GPATCH3: variants seen among roughly 807,000 people sequenced by gnomAD.
GPATCH3 encodes G-patch domain containing 3.
In GPATCH3, 45 loss-of-function variants were observed where a neutral mutation model predicts 53.2. That is an observed-to-expected ratio of 0.85 (90% CI 0.67 to 1.08). GPATCH3 has a LOEUF of 1.08. GPATCH3 is among the 50% of genes least tolerant of loss of function. The pLI is 0.00. For synonymous variants in GPATCH3, 280 were observed against 270.6 expected (o/e 1.03, Z -0.34); for missense variants, 680 against 687.2 (o/e 0.99, Z 0.12).
At chr1:26,899,461 C>T (rs752517333) in intron 1 of GPATCH3, among the ~76,000 whole-genome samples, 10 of 152,206 alleles carry the variant, frequency 6.6e-5, no homozygotes, top group Middle Eastern at 3.2e-3. Context: ...GGATTCTGAG[C>T]ACACACTATG....
At chr1:26,892,876 G>T in intron 4 of GPATCH3, 85 bp from the exon 5 acceptor site, 1 of 1,514,604 alleles carries the variant, frequency 6.6e-7, no homozygotes, top group South Asian at 1.2e-5. Context: ...TCGTAAGATT[G>T]ACTTATTCAT....
intron 1 of GPATCH3, among the ~76,000 whole-genome samples, chr1:26,899,108 C>G (rs1244653746): frequency 6.6e-6 from 1 of 152,212 alleles, no homozygotes; most frequent in Non-Finnish European, 1.5e-5. Context: ...AGATGGAAAG[C>G]CACATTTCAT....
intron 2 of GPATCH3, among the ~76,000 whole-genome samples, chr1:26,895,449 G>A (rs534978548): frequency 1.3e-5 from 2 of 151,030 alleles, no homozygotes; most frequent in East Asian, 2.0e-4. Context: ...CTTGAGCCCA[G>A]GGAGTTGGAG....
In GPATCH3 at chr1:26,896,710, A is replaced by AG. The variant is rs577313701; in HGVS notation, c.876+590_876+591insC. Among the ~76,000 whole-genome samples, 632 of 147,494 alleles carry AG rather than the reference A, an allele frequency of 4.3e-3. 4 individuals carry two copies. The highest frequency in any genetic ancestry group is 7.4e-3 in the Non-Finnish European group (499 of 67,080). On this transcript the variant is annotated intron_variant, in intron 2 of 6. Transcript: ENST00000361720. ...AGTGAGACTCTGTCTCAAAAAAAAAAAGAAAAAAATGAATAAAGAGGAACC... is the reference window on the plus strand; with the variant it reads ...AGTGAGACTCTGTCTCAAAAAAAAAAGAGAAAAAAATGAATAAAGAGGAACC...
Position 26,897,327 on chromosome 1 carries a change from C to A in GPATCH3, c.850G>T (p.Glu284Ter), listed in dbSNP as rs942171790. The A allele has an allele frequency of 5.1e-5, 82 of 1,614,038 alleles. No homozygotes were observed. Among genetic ancestry groups the A allele is most frequent in the Non-Finnish European group, 6.7e-5 (79 of 1,180,020 alleles). ...TCATCTGAGTGAGACTCTTCTTCCT[C>A]TTCCTTCCCCACTTCTTCCTCAGGC... ...GEPEEEVGKEEEEESHSDEDD... is the reference protein window; with the variant it reads ...GEPEEEVGKE Residue 284 changes from glutamate (E) to a stop codon, truncating the protein, a stop_gained, in exon 2 of 7, where the codon GAG becomes TAG. Transcript: ENST00000361720. LOFTEE classifies it high-confidence loss of function.
chr1:26,896,510 T>G, intron 2 of GPATCH3, among the ~76,000 whole-genome samples: 1 of 142,374 alleles, frequency 7.0e-6, no homozygotes. Flanking sequence ...GTTAACACGG[T>G]GAAACCCTGT....
At chr1:26,893,066 C>T (rs374861076) in intron 4 of GPATCH3, among the ~76,000 whole-genome samples, 7 of 152,252 alleles carry the variant, frequency 4.6e-5, no homozygotes, top group South Asian at 4.2e-4. Context: ...TTCCCCCACC[C>T]GGGTCATTTC....
At chr1:26,895,849 C>T (rs1349679138) in intron 2 of GPATCH3, among the ~76,000 whole-genome samples, 2 of 152,104 alleles carry the variant, frequency 1.3e-5, no homozygotes, top group African/African-American at 2.4e-5. Flanking sequence ...AGGCTGGTCT[C>T]GAACTCCTGA....
intron 1 of GPATCH3, among the ~76,000 whole-genome samples, chr1:26,898,926 A>G (rs957553277): frequency 1.3e-5 from 2 of 152,156 alleles, no homozygotes; most frequent in Non-Finnish European, 2.9e-5. Context: ...GTGCCTCCCA[A>G]AGTGCTGGGA....
chr1:26,892,479 GC>G lies in GPATCH3; in HGVS notation c.1292del (p.Cys431SerfsTer36), dbSNP rs2081932245. Reference protein sequence around the residue: ...QGWAEGQGLGCRCSGVPEALD... With the variant: ...QGWAEGQGLGXRCSGVPEALD... ...GGGCCTCAGGCACCCCTGAGCACCTGCAGCCCAGGCCCTGGCCCTCAGCCCA... is the reference window on the plus strand; with the variant it reads ...GGGCCTCAGGCACCCCTGAGCACCTGAGCCCAGGCCCTGGCCCTCAGCCCA... On this transcript the variant is annotated frameshift_variant, in exon 6 of 7. Transcript: ENST00000361720. LOFTEE classifies it high-confidence loss of function. 2 of 1,613,914 alleles carry G rather than the reference GC, an allele frequency of 1.2e-6. No individual in the cohort carries two copies. The highest frequency in any genetic ancestry group is 2.7e-5 in the African/African-American group (2 of 74,908).
At chr1:26,892,970 G>T in intron 4 of GPATCH3, 179 bp from the exon 5 acceptor site, 1 of 692,380 alleles carries the variant, frequency 1.4e-6, no homozygotes, top group Admixed American at 2.8e-5. Flanking sequence ...ATACAGATGA[G>T]AAGATTGTGG....
At chr1:26,895,403 T>C (rs1379742106) in intron 2 of GPATCH3, among the ~76,000 whole-genome samples, 1 of 151,776 alleles carries the variant, frequency 6.6e-6, no homozygotes, top group Non-Finnish European at 1.5e-5. Context: ...TGTGTGAGTG[T>C]AGTCCTAGCT....
Position 26,892,544 on chromosome 1 carries a change from G to T in GPATCH3, c.1234-6C>A. 3 of 1,610,584 alleles carry T rather than the reference G, an allele frequency of 1.9e-6. No individual in the cohort carries two copies. The highest frequency in any genetic ancestry group is 2.2e-5 in the East Asian group (1 of 44,724). ...ATCACCTTCCGCCCAATGCCCTGCAGAGTGAAGGGACAAGACTCAAGAAAT... is the reference window on the plus strand; with the variant it reads ...ATCACCTTCCGCCCAATGCCCTGCATAGTGAAGGGACAAGACTCAAGAAAT... On this transcript the variant is annotated splice_region_variant and splice_polypyrimidine_tract_variant and intron_variant, in intron 5 of 6. Transcript: ENST00000361720.
Position 26,890,683 on chromosome 1 carries a change from A to T in GPATCH3, c.*327T>A. ...TTCTGGCCTTCGTGGGGACACCTTCAGAGTCCCCAAGGAAGGCTGTGCTGA... is the reference window on the plus strand; with the variant it reads ...TTCTGGCCTTCGTGGGGACACCTTCTGAGTCCCCAAGGAAGGCTGTGCTGA... On this transcript the variant is annotated 3_prime_UTR_variant, in exon 7 of 7. Transcript: ENST00000361720. 6.3e-6 allele frequency: 3 copies of T among 477,884 alleles called. No homozygotes were observed. Among genetic ancestry groups the T allele is most frequent in the South Asian group, 5.5e-5 (3 of 54,358 alleles). 29.6% of individuals were successfully genotyped at this position (477,884 alleles called of 1,614,324 possible). A position where few individuals can be genotyped will look rare whatever the true frequency, so the allele number is the denominator to read the frequency against.
chr1:26,896,170 G>A (rs2081949947), intron 2 of GPATCH3, among the ~76,000 whole-genome samples: 1 of 152,106 alleles, frequency 6.6e-6, no homozygotes, highest in Non-Finnish European at 1.5e-5. Context: ...GCACGCACAG[G>A]TTAGAGAAGA....
intron 1 of GPATCH3, among the ~76,000 whole-genome samples, chr1:26,898,798 C>G (rs1050845763): frequency 6.6e-6 from 1 of 151,940 alleles, no homozygotes; most frequent in Admixed American, 6.6e-5. Context: ...TCACAAGTAG[C>G]TGGGACTACA....
chr1:26,891,053 C>G lies in GPATCH3; in HGVS notation c.1535G>C (p.Arg512Thr), dbSNP rs765237312. 1.9e-6 allele frequency: 3 copies of G among 1,614,162 alleles called. No homozygotes were observed. Among genetic ancestry groups the G allele is most frequent in the South Asian group, 2.2e-5 (2 of 91,076 alleles). ...GCTGTCTGAAGCACAACTGGAACCCCTCACAAAGGCCATGTCTGTCCGAAA... is the reference window on the plus strand; with the variant it reads ...GCTGTCTGAAGCACAACTGGAACCCGTCACAAAGGCCATGTCTGTCCGAAA... ...MKFRTDMAFV[R>T]GSSCASDSPS... Residue 512 changes from arginine to threonine, a missense_variant, in exon 7 of 7, where the codon AGG becomes ACG. Physicochemically the swap from Arg to Thr is moderately conservative, Grantham distance 71. Transcript: ENST00000361720.
At chr1:26,895,020 G>A (rs2081944654) in intron 2 of GPATCH3, among the ~76,000 whole-genome samples, 2 of 152,164 alleles carry the variant, frequency 1.3e-5, no homozygotes, top group African/African-American at 2.4e-5. Flanking sequence ...GAGCAGCAGA[G>A]CCAGCAATGC....
chr1:26,900,308 G>A lies in GPATCH3; in HGVS notation c.135C>T (p.Leu45=), dbSNP rs267598528. The A allele has an allele frequency of 3.7e-6, 6 of 1,613,978 alleles. 1 individual carries two copies. In the African/African-American group the frequency reaches 8.0e-5, roughly 22 times the overall value. ...QFREERGGGF[L]CFHYRHRPER... ...CAGGCCGATGCCGGTAGTGGAAACA[G>A]AGGAAGCCACCGCCGCGCTCTTCTC... The change falls in exon 1 of 7, where the codon CTC becomes CTT. Residue 45 remains leucine, a synonymous_variant. Coordinates refer to ENST00000361720, the MANE Select transcript of GPATCH3 (RefSeq NM_022078.3).
Sources: allele counts gnomAD v4.1 joint callset (sites outside exome capture counted in the v4.1 genomes callset), GRCh38; gene constraint gnomAD v4.1.1; transcripts MANE v1.5; gene names NCBI Gene and HGNC (gene_info 2026-07-23, HGNC 2026-07-21).